ZNF469: variants seen among roughly 807,000 people sequenced by gnomAD.
ZNF469 encodes zinc finger protein 469.
A neutral mutation model predicts 1.0 loss-of-function variants in ZNF469; 1 was observed. The ratio of observed to expected loss-of-function variants is 1.00; its 90% CI spans 0.35 to 4.73. The LOEUF is 4.73. Ranked by LOEUF, ZNF469 falls within the 30% of genes most tolerant of loss-of-function variation. The probability of loss-of-function intolerance (pLI) is 0.16; values close to 1 mark genes in which losing one functional copy is unlikely to be tolerated. For missense variants in ZNF469, 6,100 were observed against 5,356.3 expected (o/e 1.14, Z -4.33); for synonymous variants, 2,703 against 2,363.4 (o/e 1.14, Z -4.17).
chr16:88,149,055 A>C, the ZNF469 span, among the ~76,000 whole-genome samples: 5 of 152,048 alleles, frequency 3.3e-5, no homozygotes, highest in African/African-American at 7.2e-5. Context: ...AATCAAAGCC[A>C]CCTGTGTTCC....
the ZNF469 span, among the ~76,000 whole-genome samples, chr16:88,222,895 A>G: frequency 6.6e-6 from 1 of 152,212 alleles, no homozygotes; most frequent in African/African-American, 2.4e-5. Context: ...CACCACACTC[A>G]TCCCAAAGGA....
In ZNF469 at chr16:88,432,189, T is replaced by G; in HGVS notation, c.4719T>G (p.Ser1573Arg). 6.5e-7 allele frequency: 1 copy of G among 1,550,156 alleles called. No individual in the cohort carries two copies. Among genetic ancestry groups the G allele is most frequent in the East Asian group, 2.4e-5 (1 of 40,894 alleles). ...EIQKLVTELE[S>R]QLQRSKDTRG... ...AGAAATTGGTCACCGAATTAGAAAG[T>G]CAGCTGCAAAGGAGCAAAGACACAC... Residue 1573 changes from serine to arginine, a missense_variant, in exon 3 of 3, where the codon AGT (serine) becomes AGG (arginine). Transcript: ENST00000565624.
rs1436593955 is a variant in ZNF469, at chr16:88,428,100, C to A, written c.630C>A (p.Pro210=). 1 of 1,549,664 alleles carries A rather than the reference C, an allele frequency of 6.5e-7. No individual in the cohort carries two copies. Among genetic ancestry groups the A allele is most frequent in the African/African-American group, 1.4e-5 (1 of 73,026 alleles). The change falls in exon 3 of 3, where the codon CCC becomes CCA. Residue 210 remains proline, a synonymous_variant. Coordinates refer to ENST00000565624, the MANE Select transcript of ZNF469 (RefSeq NM_001367624.2). ...CCCCCAGGCCCCCAGCCCCGGGGCC[C>A]CCCCAGAGCAGGGGCACCAGCCCCC... is the stretch of plus-strand genomic sequence containing the variant. ...SATPRPPAPG[P]PQSRGTSPLQ...
chr16:88,417,401 G>A (rs1214169971), intron 1 of ZNF469, among the ~76,000 whole-genome samples: 1 of 152,182 alleles, frequency 6.6e-6, no homozygotes, highest in African/African-American at 2.4e-5. Context: ...TGGGTTCTGG[G>A]GCTGTGGGCA....
the ZNF469 span, among the ~76,000 whole-genome samples, chr16:88,228,890 G>C: frequency 2.6e-5 from 4 of 152,152 alleles, no homozygotes; most frequent in Non-Finnish European, 5.9e-5. Flanking sequence ...GGGTGGACGG[G>C]GTCTGGTGAG....
the ZNF469 span, among the ~76,000 whole-genome samples, chr16:88,184,905 ACACT>A: frequency 2.6e-5 from 4 of 152,216 alleles, no homozygotes; most frequent in Admixed American, 6.5e-5. Flanking sequence ...CCACATGCAC[ACACT>A]CACACAATAG....
At chr16:88,107,097 C>T in the ZNF469 span, among the ~76,000 whole-genome samples, 17 of 152,252 alleles carry the variant, frequency 1.1e-4, 1 homozygote, top group East Asian at 2.7e-3. Context: ...CAGGCCCGCA[C>T]GGGAGGTGCC....
At chr16:88,417,217 G>A (rs1280840896) in intron 1 of ZNF469, among the ~76,000 whole-genome samples, 1 of 148,320 alleles carries the variant, frequency 6.7e-6, no homozygotes, top group Non-Finnish European at 1.5e-5. Context: ...AAGAGCCCAG[G>A]CTCCGCCACT....
At chr16:88,118,479 G>T in the ZNF469 span, among the ~76,000 whole-genome samples, 1 of 152,158 alleles carries the variant, frequency 6.6e-6, no homozygotes, top group African/African-American at 2.4e-5. Flanking sequence ...AGAACCGTGG[G>T]AGCAATGTCT....
In ZNF469 at chr16:88,429,144, T is replaced by TCAGCCCCTGTTCTTCGGGGTGGCC; in HGVS notation, c.1682_1705dup (p.Leu561_Pro568dup). ...ACAACGGAATGACAGACCCTGGGGC[T>TCAGCCCCTGTTCTTCGGGGTGGCC]CAGCCCCTGTTCTTCGGGGTGGCCC... On this transcript the variant is annotated inframe_insertion, in exon 3 of 3. Transcript: ENST00000565624. 6 of 1,549,846 alleles carry TCAGCCCCTGTTCTTCGGGGTGGCC rather than the reference T, an allele frequency of 3.9e-6. No homozygotes were observed. The highest frequency in any genetic ancestry group is 5.2e-6 in the Non-Finnish European group (6 of 1,146,864).
At chr16:88,386,837 G>T (rs1179994298) in intron 1 of ZNF469, among the ~76,000 whole-genome samples, 3 of 152,070 alleles carry the variant, frequency 2.0e-5, no homozygotes, top group Non-Finnish European at 4.4e-5. Context: ...CGTGAGGATG[G>T]GGCTCTGTGA....
the ZNF469 span, among the ~76,000 whole-genome samples, chr16:88,282,384 G>C: frequency 6.6e-6 from 1 of 152,170 alleles, no homozygotes; most frequent in African/African-American, 2.4e-5. Context: ...GTGTTGAGAG[G>C]GACCTGGGTG....
At chr16:88,307,347 A>C in the ZNF469 span, among the ~76,000 whole-genome samples, 1 of 152,212 alleles carries the variant, frequency 6.6e-6, no homozygotes, top group Non-Finnish European at 1.5e-5. Context: ...ATTTCTCTAG[A>C]GTCCCCAGCT....
chr16:88,437,564 A>C lies in ZNF469; in HGVS notation c.10094A>C (p.Tyr3365Ser). Reference sequence around the variant, plus strand: ...GCGGTGCACAGCCCGCAGCGCGTCTACCTGTGCCCCCGGTGCCCCCGGGTC... The same window carrying C: ...GCGGTGCACAGCCCGCAGCGCGTCTCCCTGTGCCCCCGGTGCCCCCGGGTC... ...HLAVHSPQRV[Y>S]LCPRCPRVYP... Residue 3365 changes from tyrosine to serine, a missense_variant, in exon 3 of 3, where the codon TAC (tyrosine) becomes TCC (serine). Transcript: ENST00000565624. 6.5e-7 allele frequency: 1 copy of C among 1,537,546 alleles called. No homozygotes were observed. The highest frequency in any genetic ancestry group is 8.8e-7 in the Non-Finnish European group (1 of 1,137,662).
At chr16:88,185,022 C>G in the ZNF469 span, among the ~76,000 whole-genome samples, 1 of 151,724 alleles carries the variant, frequency 6.6e-6, no homozygotes, top group Non-Finnish European at 1.5e-5. Flanking sequence ...CATGGATACA[C>G]ACTCATACAG....
chr16:88,333,958 ATG>A, the ZNF469 span, among the ~76,000 whole-genome samples: 4 of 144,932 alleles, frequency 2.8e-5, no homozygotes, highest in African/African-American at 7.7e-5. Flanking sequence ...GTGTGTCTGC[ATG>A]TGTGTCTGTG....
At chr16:88,241,928 G>A in the ZNF469 span, among the ~76,000 whole-genome samples, 2 of 152,186 alleles carry the variant, frequency 1.3e-5, no homozygotes, top group Non-Finnish European at 2.9e-5. The surrounding 1 kb of genome is among the most constrained non-coding windows in gnomAD (Gnocchi z 4.8). Flanking sequence ...TGGGAGATGG[G>A]GGCACCCTGC....
the ZNF469 span, among the ~76,000 whole-genome samples, chr16:88,320,370 C>T: frequency 6.6e-6 from 1 of 152,158 alleles, no homozygotes. Flanking sequence ...AGGCTGACCA[C>T]GAGATTCTTT....
chr16:88,152,003 C>T, the ZNF469 span, among the ~76,000 whole-genome samples: 1 of 152,176 alleles, frequency 6.6e-6, no homozygotes, highest in Admixed American at 6.5e-5. The surrounding 1 kb of genome is among the most constrained non-coding windows in gnomAD (Gnocchi z 4.2). Flanking sequence ...TAGATACTCC[C>T]TTCTTACACA....
Sources: gnomAD v4.1 joint callset for allele counts (sites outside exome capture counted in the v4.1 genomes callset) on GRCh38, gnomAD v4.1.1 for gene constraint, Gnocchi (gnomAD v3.1) non-coding constraint, MANE v1.5 for transcripts, NCBI Gene and HGNC (gene_info 2026-07-23, HGNC 2026-07-21) for gene names.